DPP6: variants seen among roughly 807,000 people sequenced by gnomAD.
DPP6 encodes the protein dipeptidyl peptidase like 6, also known as A-type potassium channel modulatory protein DPP6.
In DPP6, 69 loss-of-function variants were observed where a neutral mutation model predicts 122.6. That is an observed-to-expected ratio of 0.56 (90% CI 0.46 to 0.69). The LOEUF (loss-of-function observed/expected upper bound fraction) is 0.69, where lower values mean the gene tolerates loss of function less well. DPP6 is among the 30% of genes least tolerant of loss of function. The probability of loss-of-function intolerance (pLI) is 0.00; values close to 1 mark genes in which losing one functional copy is unlikely to be tolerated. For synonymous variants in DPP6, 418 were observed against 433.1 expected, an observed-to-expected ratio of 0.97 and a Z score of 0.43; for missense variants, 928 against 1,116.9, an observed-to-expected ratio of 0.83 and a Z score of 2.41.
chr7:154,651,768 GAAAGTCACAAAGGAAATCCTGGGCCA>G (rs1210538705), intron 6 of DPP6, among the ~76,000 whole-genome samples: 1 of 152,172 alleles, frequency 6.6e-6, no homozygotes, highest in African/African-American at 2.4e-5. Flanking sequence ...TGGCTAAACT[GAAAGTCACAAAGGAAATCCTGGGCCA>G]ACATCACCCC....
At chr7:154,846,978 A>T (rs569882866) in intron 16 of DPP6, among the ~76,000 whole-genome samples, 10 of 152,142 alleles carry the variant, frequency 6.6e-5, no homozygotes, top group Non-Finnish European at 1.5e-4. Flanking sequence ...TATTCATTTA[A>T]TCTCCTGCTA....
the DPP6 span, among the ~76,000 whole-genome samples, chr7:153,864,310 G>A: frequency 6.6e-6 from 1 of 152,138 alleles, no homozygotes; most frequent in East Asian, 1.9e-4. Flanking sequence ...TTGTGGCTTT[G>A]AGTTGATACT....
At chr7:154,698,654 A>G (rs1230565213) in intron 7 of DPP6, among the ~76,000 whole-genome samples, 3 of 152,254 alleles carry the variant, frequency 2.0e-5, no homozygotes. Flanking sequence ...AAGTAATACC[A>G]GTGATATCTT....
intron 7 of DPP6, among the ~76,000 whole-genome samples, chr7:154,691,822 A>AAAC (rs1418232042): frequency 1.3e-4 from 20 of 151,860 alleles, no homozygotes; most frequent in Non-Finnish European, 2.5e-4. Flanking sequence ...CTGTCTCAAA[A>AAAC]AAACAAATAA....
rs189267166 is a variant in DPP6, at chr7:154,102,438, C to A, written c.243+49375C>A. Among the ~76,000 whole-genome samples the A allele has an allele frequency of 1.0e-3, 157 of 152,294 alleles. 4 individuals carry two copies. In the East Asian group the frequency reaches 0.029, roughly 28 times the overall value. On this transcript the variant is annotated intron_variant, in intron 1 of 25. Transcript: ENST00000377770. ...TCCTGACCTCAGGTAATCCGCCCGC[C>A]TCAGCCTCCCAAAGTGCTGGGATTA... is the stretch of plus-strand genomic sequence containing the variant.
At chr7:153,985,296 C>T (rs1289188456) in intron 1 of DPP6, among the ~76,000 whole-genome samples, 1 of 152,204 alleles carries the variant, frequency 6.6e-6, no homozygotes, top group Non-Finnish European at 1.5e-5. Flanking sequence ...AGGGACTGGA[C>T]AAAGTTGTGT....
chr7:154,676,098 T>A (rs1470322251), intron 7 of DPP6, among the ~76,000 whole-genome samples: 7 of 141,912 alleles, frequency 4.9e-5, no homozygotes, highest in Non-Finnish European at 1.1e-4. Flanking sequence ...CCTACACAGG[T>A]GTTCCGGGCT....
intron 1 of DPP6, among the ~76,000 whole-genome samples, chr7:154,129,054 A>ACC (rs1019144606): frequency 3.3e-5 from 5 of 150,268 alleles, no homozygotes; most frequent in Non-Finnish European, 1.5e-5. Context: ...CAAACCCACC[A>ACC]CCCCCCGACA....
intron 1 of DPP6, among the ~76,000 whole-genome samples, chr7:154,198,738 CAT>C (rs1799006103): frequency 6.6e-6 from 1 of 152,226 alleles, no homozygotes; most frequent in African/African-American, 2.4e-5. Flanking sequence ...GTTATACAAA[CAT>C]ATGTGCATGT....
chr7:153,846,187 G>T, the DPP6 span, among the ~76,000 whole-genome samples: 89 of 152,264 alleles, frequency 5.8e-4, no homozygotes, highest in Non-Finnish European at 1.1e-3. Flanking sequence ...ATTCTAATGA[G>T]TTTTAATTAT....
chr7:154,470,862 G>A (rs1822203361), intron 2 of DPP6, among the ~76,000 whole-genome samples: 1 of 152,188 alleles, frequency 6.6e-6, no homozygotes, highest in Non-Finnish European at 1.5e-5. Flanking sequence ...CCACCTTTAT[G>A]TTGCCTTCCA....
intron 1 of DPP6, among the ~76,000 whole-genome samples, chr7:154,384,888 G>A (rs1208417889): frequency 2.6e-5 from 4 of 151,962 alleles, no homozygotes; most frequent in Non-Finnish European, 4.4e-5. Context: ...TGTTACAGAT[G>A]ATGATATAGC....
At chr7:154,740,046 A>C (rs2131407822) in intron 8 of DPP6, among the ~76,000 whole-genome samples, 1 of 152,350 alleles carries the variant, frequency 6.6e-6, no homozygotes, top group Middle Eastern at 3.4e-3. Flanking sequence ...ATAAATCTAA[A>C]GGGAGAATGT....
At chr7:153,802,221 C>G in the DPP6 span, among the ~76,000 whole-genome samples, 1 of 152,148 alleles carries the variant, frequency 6.6e-6, no homozygotes, top group Non-Finnish European at 1.5e-5. Flanking sequence ...AACTTTGTTT[C>G]CTTACCTCTG....
At chr7:154,053,099 T>G (rs1479574321) in intron 1 of DPP6, 36 bp downstream of exon 1, 41 of 1,049,902 alleles carry the variant, frequency 3.9e-5, no homozygotes, top group Admixed American at 3.4e-4. Flanking sequence ...CGGCGGCGGG[T>G]TCTCCGGGCT....
intron 8 of DPP6, among the ~76,000 whole-genome samples, chr7:154,759,400 A>G (rs1393261005): frequency 1.3e-5 from 2 of 152,198 alleles, no homozygotes; most frequent in African/African-American, 2.4e-5. Flanking sequence ...GAGCACGGGG[A>G]CGTTCTCCCA....
At chr7:154,386,360 A>C (rs1814113375) in intron 1 of DPP6, among the ~76,000 whole-genome samples, 1 of 151,632 alleles carries the variant, frequency 6.6e-6, no homozygotes, top group African/African-American at 2.4e-5. Context: ...GGTCACTTGG[A>C]TCGAGAACAT....
At chr7:154,503,990 A>G (rs12703361) in intron 3 of DPP6, among the ~76,000 whole-genome samples, 80,871 of 152,044 alleles carry the variant, frequency 0.53, 21,815 homozygotes, top group Middle Eastern at 0.6. Context: ...CCTGATTTAT[A>G]GATAAGTAAT....
chr7:153,835,813 T>C, the DPP6 span, among the ~76,000 whole-genome samples: 2 of 152,280 alleles, frequency 1.3e-5, no homozygotes, highest in South Asian at 4.1e-4. Flanking sequence ...GGCAGAAAGC[T>C]GCTTACTGGC....
Sources: gnomAD v4.1 joint callset for allele counts (sites outside exome capture counted in the v4.1 genomes callset) on GRCh38, gnomAD v4.1.1 for gene constraint, MANE v1.5 for transcripts, NCBI Gene and HGNC (gene_info 2026-07-23, HGNC 2026-07-21) for gene names.